The following LRATD1 variants were observed in gnomAD, a reference collection of about 807,000 sequenced individuals.
LRATD1 encodes the protein LRAT domain containing 1.
Under a neutral mutation model 21.3 loss-of-function variants are expected in LRATD1, and 8 were observed. The observed-to-expected ratio is 0.38, with a 90% CI of 0.22 to 0.68. LRATD1 has a LOEUF of 0.68. Among genes scored for constraint, LRATD1 ranks in the 30% least tolerant of loss-of-function variants. The pLI, the probability that LRATD1 is intolerant of heterozygous loss-of-function variation, is 0.54. For missense variants in LRATD1, 380 were observed against 404.0 expected, an observed-to-expected ratio of 0.94 and a Z score of 0.51; for synonymous variants, 210 against 186.2, an observed-to-expected ratio of 1.13 and a Z score of -1.04.
chr2:14,633,160 C>T lies in LRATD1; in HGVS notation c.-37+223C>T, dbSNP rs1317145533. Among the ~76,000 whole-genome samples, 2 of 152,210 alleles carry T rather than the reference C, an allele frequency of 1.3e-5. No individual in the cohort carries two copies. Among genetic ancestry groups the T allele is most frequent in the Non-Finnish European group, 2.9e-5 (2 of 68,034 alleles). On this transcript the variant is annotated intron_variant, in intron 1 of 1. Transcript: ENST00000295092. This position sits in a 1 kb window ranked among gnomAD's most constrained non-coding sequence, Gnocchi z 7.5. ...TAGACAGAGCAGCCTCGCCCTGGCG[C>T]AGTCCCATTGGCCCTGATGGGGACA...
chr2:14,634,558 G>A lies in LRATD1; in HGVS notation c.579G>A (p.Val193=), dbSNP rs762443014. Residue 193 remains valine, a synonymous_variant, in exon 2 of 2, where the codon GTG becomes GTA. Coordinates refer to ENST00000295092, the MANE Select transcript of LRATD1 (RefSeq NM_145175.4). The part of the protein sequence containing the change: ...RYRPLVAELV[V]QNACGHLGLK... ...GCCCGCTGGTGGCCGAGCTGGTGGTGCAGAACGCCTGCGGCCACCTGGGCC... is the reference window on the plus strand; with the variant it reads ...GCCCGCTGGTGGCCGAGCTGGTGGTACAGAACGCCTGCGGCCACCTGGGCC... 31 of 1,495,352 alleles carry A rather than the reference G, an allele frequency of 2.1e-5. No homozygotes were observed. The highest frequency in any genetic ancestry group is 2.7e-5 in the Non-Finnish European group (30 of 1,121,914). 92.6% of individuals were successfully genotyped at this position (1,495,352 alleles called of 1,614,324 possible). A position where few individuals can be genotyped will look rare whatever the true frequency, so the allele number is the denominator to read the frequency against.
Position 14,634,216 on chromosome 2 carries a change from G to C in LRATD1, c.237G>C (p.Leu79=). 6.2e-7 allele frequency: 1 copy of C among 1,613,058 alleles called. No individual in the cohort carries two copies. The highest frequency in any genetic ancestry group is 2.2e-5 in the East Asian group (1 of 44,854). ...SRHHHHLLHQ[L]VLNETQFSAF... The stretch of plus-strand genomic sequence containing the variant: ...ACCACCACCACCTGCTGCACCAGCT[G>C]GTCCTCAACGAGACTCAGTTTTCCG... The change falls in exon 2 of 2, where the codon CTG becomes CTC. Residue 79 remains leucine (L), a synonymous_variant. Coordinates refer to ENST00000295092, the MANE Select transcript of LRATD1 (RefSeq NM_145175.4).
At chr2:14,649,766 T>A (rs1416722215), downstream of LRATD1, 1 of 155,564 alleles carries the variant, frequency 6.4e-6, no homozygotes, top group East Asian at 1.8e-4. Context: ...GGCTGTGGTC[T>A]GAATCTTTGT....
downstream of LRATD1, among the ~76,000 whole-genome samples, chr2:14,651,678 C>A (rs748424926): frequency 1.3e-5 from 2 of 151,970 alleles, no homozygotes; most frequent in Non-Finnish European, 2.9e-5. Context: ...TAGTCATTTG[C>A]GTTTCTCTAA....
In LRATD1 at chr2:14,633,210, T is replaced by A. The variant is rs1185327949; in HGVS notation, c.-37+273T>A. Among the ~76,000 whole-genome samples, 1 of 152,090 alleles carries A rather than the reference T, an allele frequency of 6.6e-6. No homozygotes were observed. The highest frequency in any genetic ancestry group is 1.5e-5 in the Non-Finnish European group (1 of 68,022). On this transcript the variant is annotated intron_variant, in intron 1 of 1. Transcript: ENST00000295092. The surrounding 1 kb of genome is among the most constrained non-coding windows in gnomAD (Gnocchi z 7.5). ...AAGGCAAGAGAAGTAAGGGGCAGAG[T>A]GCACCTGCCTGTGAGGGCAGGTGTG...
rs961895883 is a variant in LRATD1, at chr2:14,636,005, A to G, written c.*1147A>G. On this transcript the variant is annotated 3_prime_UTR_variant, in exon 2 of 2. Coordinates refer to ENST00000295092, the MANE Select transcript of LRATD1 (RefSeq NM_145175.4). ...TGTTTTTATTGACCATTTTAGCAAC[A>G]GGCTAATAAAATTTCAAATTGAAAT... is the stretch of plus-strand genomic sequence containing the variant. 8 of 223,632 alleles carry G rather than the reference A, an allele frequency of 3.6e-5. No homozygotes were observed. The highest frequency in any genetic ancestry group is 6.9e-5 in the African/African-American group (3 of 43,644). 13.9% of individuals were successfully genotyped at this position (223,632 alleles called of 1,614,324 possible). A position where few individuals can be genotyped will look rare whatever the true frequency, so the allele number is the denominator to read the frequency against.
chr2:14,645,378 TG>T (rs1243187203), intron 2 of LRATD1, among the ~76,000 whole-genome samples: 4 of 152,232 alleles, frequency 2.6e-5, no homozygotes, highest in Non-Finnish European at 5.9e-5. Flanking sequence ...CATCAGCTTC[TG>T]GACTGCAATT....
chr2:14,649,379 T>A (rs1416160948), exon 5 of LRATD1: 1 of 456,488 alleles, frequency 2.2e-6, no homozygotes, highest in Non-Finnish European at 4.4e-6. Flanking sequence ...ACCAACTCCT[T>A]GTATTGCAAC....
rs1037260274 is a variant in LRATD1, at chr2:14,638,449, C to T, written c.*3591C>T. 1.2e-5 allele frequency: 2 copies of T among 166,786 alleles called. No homozygotes were observed. The highest frequency in any genetic ancestry group is 2.9e-5 in the Non-Finnish European group (2 of 68,022). The allele number at this position is 166,786 out of a possible 1,614,324, so 10.3% of individuals were successfully genotyped here. A position where few individuals can be genotyped will look rare whatever the true frequency, so the allele number is the denominator to read the frequency against. ...TTTTGAAACTTTAATGTTTACCTTC[C>T]CCTATGTTTAATTTTTCTGTGGTGA... is the stretch of plus-strand genomic sequence containing the variant. On this transcript the variant is annotated 3_prime_UTR_variant, in exon 2 of 2. Coordinates refer to ENST00000295092, the MANE Select transcript of LRATD1 (RefSeq NM_145175.4).
chr2:14,634,788 G>C lies in LRATD1; in HGVS notation c.809G>C (p.Arg270Pro). Residue 270 changes from arginine to proline, a missense_variant, in exon 2 of 2, where the codon CGC becomes CCC. By Grantham distance (103) the Arg-to-Pro change is moderately radical. Transcript: ENST00000295092. ...CTGGAAGACCTCATCCGCGAGAAGC[G>C]CCGTATCGACGCCAGCGGCCGCCTG... ...HSLEDLIREK[R>P]RIDASGRLRV... is the part of the protein sequence containing the mutation. 1 of 1,603,382 alleles carries C rather than the reference G, an allele frequency of 6.2e-7. No homozygotes were observed. Among genetic ancestry groups the C allele is most frequent in the Non-Finnish European group, 8.5e-7 (1 of 1,174,092 alleles).
At chr2:14,649,291 A>T in intron 4 of LRATD1, 1 of 456,538 alleles carries the variant, frequency 2.2e-6, no homozygotes, top group Non-Finnish European at 4.4e-6. Flanking sequence ...AAATAAAAAC[A>T]TTGTGTTTTT....
At position 14,634,974 on chromosome 2, in the gene LRATD1, C is replaced by A; in HGVS notation, c.*116C>A. 7.3e-7 allele frequency: 1 copy of A among 1,366,464 alleles called. No homozygotes were observed. Among genetic ancestry groups the A allele is most frequent in the Non-Finnish European group, 9.9e-7 (1 of 1,012,640 alleles). The allele number at this position is 1,366,464 out of a possible 1,614,324, so 84.6% of individuals were successfully genotyped here. On this transcript the variant is annotated 3_prime_UTR_variant, in exon 2 of 2. Coordinates refer to ENST00000295092, the MANE Select transcript of LRATD1 (RefSeq NM_145175.4). ...CTCTGCCCCGCCCCGCCACGCGCGT[C>A]CGCCGCCGGTGGCCCGGGCCCGGGC...
chr2:14,633,742 G>C lies in LRATD1; in HGVS notation c.-36-202G>C, dbSNP rs186048169. The C allele has an allele frequency of 3.6e-6, 2 of 551,858 alleles. No individual in the cohort carries two copies. The highest frequency in any genetic ancestry group is 1.9e-5 in the African/African-American group (1 of 53,266). 34.2% of individuals were successfully genotyped at this position (551,858 alleles called of 1,614,324 possible). ...AAGGGGTCGGAGGCTGTGTGGTGGC[G>C]TCTGCTCTCGCCTGACCTGTGGCGG... On this transcript the variant is annotated intron_variant, in intron 1 of 1. Coordinates refer to ENST00000295092, the MANE Select transcript of LRATD1 (RefSeq NM_145175.4). The surrounding 1 kb of genome is among the most constrained non-coding windows in gnomAD (Gnocchi z 7.5).
intron 2 of LRATD1, among the ~76,000 whole-genome samples, chr2:14,645,888 C>T (rs1671885378): frequency 6.6e-6 from 1 of 152,148 alleles, no homozygotes; most frequent in African/African-American, 2.4e-5. Context: ...GTCCTCATGA[C>T]CAACCTTGTG....
Position 14,634,939 on chromosome 2 carries a change from G to A in LRATD1, c.*81G>A, listed in dbSNP as rs1428752300. ...CCCGCACCCGGACTTCGCAGTCAGC[G>A]GTTCTCAACCTCTGCCCCGCCCCGC... is the stretch of plus-strand genomic sequence containing the variant. On this transcript the variant is annotated 3_prime_UTR_variant, in exon 2 of 2. Coordinates refer to ENST00000295092, the MANE Select transcript of LRATD1 (RefSeq NM_145175.4). 2.0e-6 allele frequency: 3 copies of A among 1,484,418 alleles called. No homozygotes were observed. In the East Asian group the frequency reaches 7.4e-5, roughly 37 times the overall value. 92.0% of individuals were successfully genotyped at this position (1,484,418 alleles called of 1,614,324 possible). A position where few individuals can be genotyped will look rare whatever the true frequency, so the allele number is the denominator to read the frequency against.
At chr2:14,648,134 C>G (rs7598048) in intron 4 of LRATD1, among the ~76,000 whole-genome samples, 75,094 of 151,974 alleles carry the variant, frequency 0.49, 21,610 homozygotes, top group African/African-American at 0.81. Flanking sequence ...TTATTTGTGT[C>G]TTTACTCAGA....
chr2:14,634,004 A>C lies in LRATD1; in HGVS notation c.25A>C (p.Thr9Pro). 1 of 1,613,640 alleles carries C rather than the reference A, an allele frequency of 6.2e-7. No individual in the cohort carries two copies. The highest frequency in any genetic ancestry group is 8.5e-7 in the Non-Finnish European group (1 of 1,179,792). ...GATGGGCAACCAACTGGACCGCATCACCCACCTCAACTACAGCGAGTTGCC... is the reference window on the plus strand; with the variant it reads ...GATGGGCAACCAACTGGACCGCATCCCCCACCTCAACTACAGCGAGTTGCC... Reference protein sequence around the residue: MGNQLDRITHLNYSELPTG... With the variant: MGNQLDRIPHLNYSELPTG... The change falls in exon 2 of 2, where the codon ACC becomes CCC. Residue 9 changes from threonine to proline, a missense_variant. Physicochemically the swap from Thr to Pro is conservative, Grantham distance 38 (BLOSUM62 -1). Coordinates refer to ENST00000295092, the MANE Select transcript of LRATD1 (RefSeq NM_145175.4).
At chr2:14,647,948 A>C (rs11684722) in intron 4 of LRATD1, among the ~76,000 whole-genome samples, 3,214 of 152,140 alleles carry the variant, frequency 0.021, 58 homozygotes, top group South Asian at 0.057. Context: ...TTATCCTCCT[A>C]CCCTTCACTG....
downstream of LRATD1, chr2:14,649,797 T>C (rs1671971200): frequency 6.4e-6 from 1 of 156,560 alleles, no homozygotes; most frequent in Non-Finnish European, 1.4e-5. Flanking sequence ...AATTCATATG[T>C]TGAAATCCTA....
Sources: gnomAD v4.1 joint callset for allele counts (sites outside exome capture counted in the v4.1 genomes callset) on GRCh38, gnomAD v4.1.1 for gene constraint, Gnocchi (gnomAD v3.1) non-coding constraint, MANE v1.5 for transcripts, NCBI Gene and HGNC (gene_info 2026-07-23, HGNC 2026-07-21) for gene names.